Variants in MMS19 observed in about 807,000 individuals in gnomAD.
MMS19 encodes MMS19 nucleotide excision repair protein homolog.
Under a neutral mutation model 129.8 loss-of-function variants are expected in MMS19, and 77 were observed. That is an observed-to-expected ratio of 0.59 (90% CI 0.49 to 0.72). The LOEUF is 0.72. MMS19 is among the 30% of genes least tolerant of loss of function. MMS19 has a pLI of 0.00. For missense variants in MMS19, 1,168 were observed against 1,266.3 expected, an observed-to-expected ratio of 0.92 and a Z score of 1.18; for synonymous variants, 491 against 502.8, an observed-to-expected ratio of 0.98 and a Z score of 0.31.
chr10:97,487,318 CTTTTTTTT>C (rs201462938), intron 1 of MMS19, among the ~76,000 whole-genome samples: 8 of 137,688 alleles, frequency 5.8e-5, no homozygotes, highest in Admixed American at 7.3e-5. Flanking sequence ...GAGAAAATTT[CTTTTTTTT>C]TTTTTTTTTT....
At chr10:97,468,925 A>C (rs776697808) in intron 12 of MMS19, 41 bp downstream of exon 12, 1 of 1,562,394 alleles carries the variant, frequency 6.4e-7, no homozygotes, top group African/African-American at 1.4e-5. Context: ...TGTCGTTTCT[A>C]TTGTGCTCAC....
rs3740526 is a variant in MMS19 at position 97,460,950 on chromosome 10, C to T, written c.2369G>A (p.Gly790Asp). Reference protein sequence around the residue: ...LAVDKVEAGLGSGPCRSQAFT... With the variant: ...LAVDKVEAGLDSGPCRSQAFT... ...GGCCTGACTACGACAGGGCCCAGAG[C>T]CCAGGCCAGCCTCCACTTTGTCCAC... is the stretch of plus-strand genomic sequence containing the variant. Residue 790 changes from glycine to aspartate, a missense_variant, in exon 24 of 31, where the codon GGC becomes GAC. Around this residue, in one of 3 missense-constraint regions of MMS19, gnomAD observed 831 missense variants for 910.8 expected, o/e 0.91. Coordinates refer to ENST00000438925, the MANE Select transcript of MMS19 (RefSeq NM_022362.5). The T allele has an allele frequency of 0.41, 645,914 of 1,577,030 alleles. 134,852 individuals carry two copies. The highest frequency in any genetic ancestry group is 0.44 in the Admixed American group (23,792 of 54,438).
chr10:97,461,598 G>A lies in MMS19; in HGVS notation c.2209C>T (p.Leu737Phe), dbSNP rs1311035293. 6.2e-7 allele frequency: 1 copy of A among 1,600,088 alleles called. No individual in the cohort carries two copies. The highest frequency in any genetic ancestry group is 8.5e-7 in the Non-Finnish European group (1 of 1,173,376). ...RNVEIPQLNQ[L>F]MRELLELSCC... ...CTCAGTTCCAAAAGCTCCCGCATGA[G>A]TTGGTTCAGCTGAGGGATTTCCACC... Residue 737 changes from leucine (L) to phenylalanine (F), a missense_variant, in exon 23 of 31, where the codon CTC becomes TTC. By Grantham distance (22) the Leu-to-Phe change is conservative. This residue lies in a region of MMS19 where 831 missense variants were observed against 910.8 expected (regional missense o/e 0.91). Coordinates refer to ENST00000438925, the MANE Select transcript of MMS19 (RefSeq NM_022362.5).
chr10:97,476,754 C>T lies in MMS19; in HGVS notation c.623-10G>A. 3 of 1,613,712 alleles carry T rather than the reference C, an allele frequency of 1.9e-6. No individual in the cohort carries two copies. Among genetic ancestry groups the T allele is most frequent in the Non-Finnish European group, 2.5e-6 (3 of 1,179,782 alleles). On this transcript the variant is annotated splice_polypyrimidine_tract_variant and intron_variant, in intron 7 of 30. Transcript: ENST00000438925. The stretch of plus-strand genomic sequence containing the variant: ...TCCTCCACAAAGGGTCCTGTGGCAA[C>T]AGAGAAAAAATGAGGTTGGTTTATC...
chr10:97,482,282 A>G (rs1358057614), intron 2 of MMS19, among the ~76,000 whole-genome samples: 1 of 152,246 alleles, frequency 6.6e-6, no homozygotes, highest in African/African-American at 2.4e-5. Context: ...AAGTGGAAAC[A>G]ATCCAGATGT....
chr10:97,461,635 T>C lies in MMS19; in HGVS notation c.2185-13A>G, dbSNP rs559232162. ...GAGGGATTTCCACCTACAGAAAACC[T>C]GGCCATGTAATGGACCCAGAGAACA... is the stretch of plus-strand genomic sequence containing the variant. On this transcript the variant is annotated splice_polypyrimidine_tract_variant and intron_variant, in intron 22 of 30. Transcript: ENST00000438925. 8 of 1,595,830 alleles carry C rather than the reference T, an allele frequency of 5.0e-6. No individual in the cohort carries two copies. The South Asian group carries it at 6.8e-5, about 14-fold the overall frequency.
At position 97,459,358 on chromosome 10, in the gene MMS19, G is replaced by A. The variant is rs1344686256; in HGVS notation, c.2904+4C>T. On this transcript the variant is annotated splice_donor_region_variant and intron_variant, in intron 28 of 30. Transcript: ENST00000438925. Reference sequence around the variant, plus strand: ...TGCCTAAGAGTTGCTGGGGCTCAACGCACCATGGAAGGGCTAGAGCTGAGG... The same window carrying A: ...TGCCTAAGAGTTGCTGGGGCTCAACACACCATGGAAGGGCTAGAGCTGAGG... The A allele has an allele frequency of 7.5e-6, 12 of 1,607,166 alleles. No individual in the cohort carries two copies. Among genetic ancestry groups the A allele is most frequent in the Non-Finnish European group, 7.6e-6 (9 of 1,176,762 alleles).
In MMS19 at chr10:97,476,761, A is replaced by G. The variant is rs778421969; in HGVS notation, c.623-17T>C. 1 of 1,613,920 alleles carries G rather than the reference A, an allele frequency of 6.2e-7. No individual in the cohort carries two copies. ...CAAAGGGTCCTGTGGCAACAGAGAA[A>G]AAATGAGGTTGGTTTATCAGCTTCA... On this transcript the variant is annotated splice_polypyrimidine_tract_variant and intron_variant, in intron 7 of 30. Coordinates refer to ENST00000438925, the MANE Select transcript of MMS19 (RefSeq NM_022362.5).
Position 97,465,787 on chromosome 10 carries a change from G to T in MMS19, c.1756+18C>A. ...CCCTATTCAGCCCAGTCCGTTGGTG[G>T]TTATTCCTAGTAGTTACCTCTGTTC... On this transcript the variant is annotated intron_variant, in intron 18 of 30. Transcript: ENST00000438925. 6.2e-7 allele frequency: 1 copy of T among 1,607,430 alleles called. No homozygotes were observed. The highest frequency in any genetic ancestry group is 8.5e-7 in the Non-Finnish European group (1 of 1,178,126).
upstream of MMS19, chr10:97,498,427 C>A: frequency 2.6e-6 from 4 of 1,559,940 alleles, no homozygotes; most frequent in Non-Finnish European, 1.7e-6. Context: ...GGCGGTGGCT[C>A]GAGACGGGCT....
At chr10:97,471,770 C>T (rs951621881) in intron 8 of MMS19, among the ~76,000 whole-genome samples, 5 of 152,212 alleles carry the variant, frequency 3.3e-5, no homozygotes, top group African/African-American at 1.2e-4. Flanking sequence ...CTCAGCCTCC[C>T]GAAGTGCTGG....
intron 1 of MMS19, among the ~76,000 whole-genome samples, chr10:97,486,503 C>T (rs1467023953): frequency 6.6e-6 from 1 of 152,118 alleles, no homozygotes. Flanking sequence ...CTTGGGACAA[C>T]ACAAATGAAC....
chr10:97,459,593 T>C (rs531061234), intron 27 of MMS19, 66 bp downstream of exon 27: 2 of 1,600,336 alleles, frequency 1.2e-6, no homozygotes, highest in Non-Finnish European at 1.7e-6. Context: ...TTCCCTCCCC[T>C]TTCTAGCCCC....
chr10:97,487,475 C>T (rs6584130), intron 1 of MMS19, among the ~76,000 whole-genome samples: 3,817 of 152,148 alleles, frequency 0.025, 176 homozygotes, highest in African/African-American at 0.086. Context: ...CCCACCACCA[C>T]ACCCGGCTAA....
chr10:97,471,902 A>C (rs554054397), intron 8 of MMS19, among the ~76,000 whole-genome samples: 5 of 152,232 alleles, frequency 3.3e-5, no homozygotes, highest in Non-Finnish European at 7.3e-5. Context: ...TACAAAATAG[A>C]AAACAAAAGG....
rs1314410312 is a variant in MMS19 at position 97,466,762 on chromosome 10, C to A, written c.1423+14G>T. On this transcript the variant is annotated intron_variant, in intron 15 of 30. Coordinates refer to ENST00000438925, the MANE Select transcript of MMS19 (RefSeq NM_022362.5). The stretch of plus-strand genomic sequence containing the variant: ...GGACCAATATTTTCCTCTTCTCTTT[C>A]CCTTAAGATGTACCTGGCTGGGCAC... 3 of 1,613,904 alleles carry A rather than the reference C, an allele frequency of 1.9e-6. No individual in the cohort carries two copies. In the African/African-American group the frequency reaches 4.0e-5, roughly 22 times the overall value.
rs2033406670 is a variant in MMS19 at position 97,466,042 on chromosome 10, G to A, written c.1606+17C>T. On this transcript the variant is annotated intron_variant, in intron 17 of 30. Transcript: ENST00000438925. The stretch of plus-strand genomic sequence containing the variant: ...TTGCTGGAAAGGGATGGGCCACAGA[G>A]GATTAGAGACACATACCTACACGCA... 7.4e-6 allele frequency: 12 copies of A among 1,613,170 alleles called. No individual in the cohort carries two copies. Among genetic ancestry groups the A allele is most frequent in the East Asian group, 2.2e-5 (1 of 44,890 alleles).
At chr10:97,471,912 G>T (rs549779499) in intron 8 of MMS19, among the ~76,000 whole-genome samples, 1 of 152,270 alleles carries the variant, frequency 6.6e-6, no homozygotes, top group South Asian at 2.1e-4. Flanking sequence ...AAAACAAAAG[G>T]TCAGAAAATC....
At chr10:97,466,334 G>A (rs1261309129) in intron 16 of MMS19, among the ~76,000 whole-genome samples, 170 bp downstream of exon 16, 1 of 152,238 alleles carries the variant, frequency 6.6e-6, no homozygotes, top group Non-Finnish European at 1.5e-5. Context: ...TAAGAAGAGA[G>A]CAGTCCTACA....
Sources: gnomAD v4.1 joint callset for allele counts (sites outside exome capture counted in the v4.1 genomes callset) on GRCh38, gnomAD v4.1.1 for gene constraint, gnomAD v4.1.1 regional missense constraint, MANE v1.5 for transcripts, NCBI Gene and HGNC (gene_info 2026-07-23, HGNC 2026-07-21) for gene names.